The following ESRRB variants were observed in gnomAD, a reference collection of about 807,000 sequenced individuals.
ESRRB encodes the protein estrogen related receptor beta.
A neutral mutation model predicts 46.0 loss-of-function variants in ESRRB; 16 were observed. That is an observed-to-expected ratio of 0.35 (90% confidence interval 0.24 to 0.53). The LOEUF is 0.53. ESRRB is among the 20% of genes least tolerant of loss of function. The pLI is 0.93. For synonymous variants in ESRRB, 246 were observed against 259.6 expected, an observed-to-expected ratio of 0.95 and a Z score of 0.50; for missense variants, 488 against 607.4, an observed-to-expected ratio of 0.80 and a Z score of 2.07.
In ESRRB at chr14:76,482,827, A is replaced by G. The variant is rs1168947570; in HGVS notation, c.850+68A>G. On this transcript the variant is annotated intron_variant, in intron 5 of 6. Coordinates refer to ENST00000644823, the MANE Select transcript of ESRRB (RefSeq NM_001379180.1). This position sits in a 1 kb window ranked among gnomAD's most constrained non-coding sequence, Gnocchi z 4.3. ...AGCCGGTATCTCCGCAGCCTACCCAATGGCTGTGCTTCTGATGCCCGGATC... is the reference window on the plus strand; with the variant it reads ...AGCCGGTATCTCCGCAGCCTACCCAGTGGCTGTGCTTCTGATGCCCGGATC... 30 of 1,577,158 alleles carry G rather than the reference A, an allele frequency of 1.9e-5. No individual in the cohort carries two copies. In the South Asian group the frequency reaches 2.7e-4, roughly 14 times the overall value.
chr14:76,384,584 C>A (rs10135410), intron 1 of ESRRB, among the ~76,000 whole-genome samples: 20,042 of 152,052 alleles, frequency 0.13, 1,993 homozygotes, highest in African/African-American at 0.27. Flanking sequence ...TGCCTTTGAA[C>A]GAAGATGGGA....
intron 1 of ESRRB, among the ~76,000 whole-genome samples, chr14:76,406,375 T>G (rs1402906573): frequency 6.6e-6 from 1 of 152,150 alleles, no homozygotes; most frequent in Admixed American, 6.5e-5. Context: ...TGGGGAGCTC[T>G]TCCCCTAACT....
At chr14:76,327,487 A>AATGATGATG (rs10543425) in intron 1 of ESRRB, among the ~76,000 whole-genome samples, 280 of 150,746 alleles carry the variant, frequency 1.9e-3, no homozygotes, top group African/African-American at 6.5e-3. Flanking sequence ...TGATGATGAT[A>AATGATGATG]ATGATGATGA....
chr14:76,410,029 C>T (rs1443907438), intron 1 of ESRRB, among the ~76,000 whole-genome samples: 2 of 151,942 alleles, frequency 1.3e-5, no homozygotes, highest in Non-Finnish European at 2.9e-5. Flanking sequence ...TTTGAGACCA[C>T]CCTGGCCAAC....
intron 1 of ESRRB, among the ~76,000 whole-genome samples, chr14:76,349,056 G>A (rs1884283391): frequency 6.6e-6 from 1 of 152,214 alleles, no homozygotes; most frequent in African/African-American, 2.4e-5. Context: ...GTGCCCAGAG[G>A]AAATGCTTCA....
At chr14:76,389,961 A>G (rs919564980) in intron 1 of ESRRB, among the ~76,000 whole-genome samples, 1 of 152,172 alleles carries the variant, frequency 6.6e-6, no homozygotes, top group Non-Finnish European at 1.5e-5. Flanking sequence ...GCATTCCATG[A>G]TGACACACTG....
chr14:76,401,285 C>T (rs532317473), intron 1 of ESRRB, among the ~76,000 whole-genome samples: 23 of 152,268 alleles, frequency 1.5e-4, no homozygotes, highest in Non-Finnish European at 2.8e-4. Context: ...GAATGGGGAC[C>T]GTGAGGATAG....
intron 1 of ESRRB, among the ~76,000 whole-genome samples, chr14:76,380,931 C>T (rs1027911390): frequency 2.0e-5 from 3 of 152,226 alleles, no homozygotes; most frequent in Non-Finnish European, 2.9e-5. Flanking sequence ...TGCCTGTTTG[C>T]CCTTGAAGGC....
chr14:76,362,420 A>T (rs942428112), intron 1 of ESRRB, among the ~76,000 whole-genome samples: 2 of 152,192 alleles, frequency 1.3e-5, no homozygotes, highest in Admixed American at 6.5e-5. Flanking sequence ...GTGTATCATG[A>T]TGCTGTTTGA....
At chr14:76,332,750 ATT>A (rs1884042814) in intron 1 of ESRRB, among the ~76,000 whole-genome samples, 1 of 13,344 alleles carries the variant, frequency 7.5e-5, no homozygotes, top group South Asian at 4.9e-3. Flanking sequence ...ATATTTATAT[ATT>A]ATATATAAAT....
chr14:76,440,703 C>T (rs1887885957), intron 2 of ESRRB, among the ~76,000 whole-genome samples: 1 of 151,362 alleles, frequency 6.6e-6, no homozygotes, highest in South Asian at 2.1e-4. Context: ...CACTCTCTTT[C>T]TTTTTCTTTC....
intron 1 of ESRRB, among the ~76,000 whole-genome samples, chr14:76,316,897 T>G (rs534176701): frequency 6.6e-6 from 1 of 152,224 alleles, no homozygotes; most frequent in Non-Finnish European, 1.5e-5. Flanking sequence ...TCATTTGTCA[T>G]GCTCTCTCCT....
chr14:76,418,762 C>T (rs930384875), intron 1 of ESRRB, among the ~76,000 whole-genome samples: 1 of 152,062 alleles, frequency 6.6e-6, no homozygotes, highest in Non-Finnish European at 1.5e-5. Context: ...ATTACGGGTG[C>T]CTGCCACCAT....
chr14:76,405,972 G>A (rs1444386878), intron 1 of ESRRB, among the ~76,000 whole-genome samples: 1 of 152,190 alleles, frequency 6.6e-6, no homozygotes, highest in African/African-American at 2.4e-5. Flanking sequence ...ATAATGAAAT[G>A]TTTACGAATA....
chr14:76,493,426 A>T (rs1890304645), intron 6 of ESRRB, among the ~76,000 whole-genome samples: 1 of 152,262 alleles, frequency 6.6e-6, no homozygotes, highest in East Asian at 1.9e-4. Context: ...AAGTGAGGGG[A>T]TTACAGGTGT....
intron 6 of ESRRB, among the ~76,000 whole-genome samples, chr14:76,494,113 T>A (rs1890331030): frequency 6.6e-6 from 1 of 152,252 alleles, no homozygotes. Context: ...GGGAACCTGA[T>A]CTAACACAGA....
At chr14:76,364,946 C>T (rs1186419476) in intron 1 of ESRRB, among the ~76,000 whole-genome samples, 1 of 151,914 alleles carries the variant, frequency 6.6e-6, no homozygotes, top group Non-Finnish European at 1.5e-5. Context: ...CCTGATCTGT[C>T]GATTAATTTA....
intron 6 of ESRRB, among the ~76,000 whole-genome samples, chr14:76,494,271 G>GT (rs1411559735): frequency 6.8e-6 from 1 of 146,766 alleles, no homozygotes; most frequent in Non-Finnish European, 1.5e-5. Context: ...TCCTAATGCT[G>GT]TTTTTTTAAA....
intron 3 of ESRRB, among the ~76,000 whole-genome samples, chr14:76,475,615 G>A (rs1889551672): frequency 1.3e-5 from 2 of 152,174 alleles, no homozygotes; most frequent in South Asian, 2.1e-4. Context: ...ATGCTGCAGT[G>A]AACATTGTCC....
Sources: gnomAD v4.1 joint callset for allele counts (sites outside exome capture counted in the v4.1 genomes callset) on GRCh38, gnomAD v4.1.1 for gene constraint, Gnocchi (gnomAD v3.1) non-coding constraint, MANE v1.5 for transcripts, NCBI Gene and HGNC (gene_info 2026-07-23, HGNC 2026-07-21) for gene names.